Variants in KCNC3 observed in about 807,000 individuals in gnomAD.
The protein encoded by KCNC3 is potassium voltage-gated channel subfamily C member 3.
KCNC3 carries 22 observed loss-of-function variants against 43.9 expected under a neutral mutation model. The observed-to-expected ratio is 0.50, with a 90% CI of 0.36 to 0.72. KCNC3 has a LOEUF of 0.72. Among genes scored for constraint, KCNC3 ranks in the 30% least tolerant of loss-of-function variants. KCNC3 has a pLI of 0.00. For synonymous variants in KCNC3, 492 were observed against 488.0 expected, an observed-to-expected ratio of 1.01 and a Z score of -0.11; for missense variants, 829 against 1,073.8, an observed-to-expected ratio of 0.77 and a Z score of 3.19.
At chr19:50,319,831 A>G (rs1031474300) in intron 4 of KCNC3, among the ~76,000 whole-genome samples, 3 of 152,010 alleles carry the variant, frequency 2.0e-5, no homozygotes, top group African/African-American at 7.2e-5. Flanking sequence ...TCACAGGGGC[A>G]TGGACGGATG....
In KCNC3 at chr19:50,313,259, GT is replaced by G. The variant is rs1459191882; in HGVS notation, c.*2855del. 1 of 152,126 alleles carries G rather than the reference GT, an allele frequency of 6.6e-6. No individual in the cohort carries two copies. Among genetic ancestry groups the G allele is most frequent in the Non-Finnish European group, 1.5e-5 (1 of 68,026 alleles). 9.4% of individuals were successfully genotyped at this position (152,126 alleles called of 1,614,324 possible). ...ATCCCAGCCGAGCTGGGTGTTGTCG[GT>G]TCCCAATCTTCTGATACTCCAGTGT... On this transcript the variant is annotated 3_prime_UTR_variant, in exon 5 of 5. Transcript: ENST00000477616.
chr19:50,322,082 G>A (rs546777100), intron 2 of KCNC3, among the ~76,000 whole-genome samples: 13 of 152,066 alleles, frequency 8.5e-5, no homozygotes, highest in African/African-American at 2.7e-4. Flanking sequence ...CTGGGTCAGC[G>A]GCTGAGGGAG....
upstream of KCNC3, among the ~76,000 whole-genome samples, chr19:50,331,719 C>T (rs1222375731): frequency 6.6e-6 from 1 of 151,866 alleles, no homozygotes; most frequent in African/African-American, 2.4e-5. Context: ...TTCTCTCTCT[C>T]CCTCTAAGTT....
At position 50,312,437 on chromosome 19, in the gene KCNC3, T is replaced by A. The variant is rs903781588; in HGVS notation, c.*3678A>T. 9.2e-5 allele frequency: 14 copies of A among 152,018 alleles called. No individual in the cohort carries two copies. Among genetic ancestry groups the A allele is most frequent in the African/African-American group, 3.1e-4 (13 of 41,460 alleles). 9.4% of individuals were successfully genotyped at this position (152,018 alleles called of 1,614,324 possible). On this transcript the variant is annotated 3_prime_UTR_variant, in exon 5 of 5. Transcript: ENST00000477616. ...CCCGGAGCGCAGGAGGGGTGCGACA[T>A]GCGTGTGGGGGGCGCGTCATGCAGC...
At position 50,323,150 on chromosome 19, in the gene KCNC3, G is replaced by C. The variant is rs752977454; in HGVS notation, c.1803C>G (p.Thr601=). The part of the protein sequence containing the change: ...SGGISPPPPI[T]PPSMGVTVAG... ...CCACAGTCACCCCCATGGAGGGTGG[G>C]GTGATGGGTGGCGGCGGGCTGATGC... The change falls in exon 2 of 5, where the codon ACC becomes ACG. Residue 601 remains threonine (T), a synonymous_variant. Transcript: ENST00000477616. 3.3e-5 allele frequency: 51 copies of C among 1,534,104 alleles called. No individual in the cohort carries two copies. In the Middle Eastern group the frequency reaches 6.8e-4, roughly 21 times the overall value.
upstream of KCNC3, among the ~76,000 whole-genome samples, chr19:50,330,687 G>A (rs1280086558): frequency 6.6e-6 from 1 of 152,110 alleles, no homozygotes; most frequent in African/African-American, 2.4e-5. Flanking sequence ...AGGCCAAAGC[G>A]CCAGGAAGCA....
intron 4 of KCNC3, among the ~76,000 whole-genome samples, chr19:50,319,081 T>C (rs147323669): frequency 2.0e-5 from 3 of 151,818 alleles, no homozygotes; most frequent in Non-Finnish European, 2.9e-5. Context: ...GGAGTTGGCT[T>C]GGATTGTTAC....
At chr19:50,320,519 C>A in intron 3 of KCNC3, 74 bp downstream of exon 3, 3 of 1,427,838 alleles carry the variant, frequency 2.1e-6, no homozygotes, top group Non-Finnish European at 2.9e-6. Context: ...CCTCCCCCAT[C>A]CCCCTCTCCT....
rs370533679 is a variant in KCNC3 at position 50,323,729 on chromosome 19, G to A, written c.1224C>T (p.Asp408=). The A allele has an allele frequency of 3.7e-5, 60 of 1,614,114 alleles. No individual in the cohort carries two copies. The highest frequency in any genetic ancestry group is 6.7e-5 in the Admixed American group (4 of 60,016). ...LSGLSSKAAK[D]VLGFLRVVRF... ...GGACCACCCGCAGGAAGCCCAGCAC[G>A]TCTTTGGCGGCCTTGGAGCTGAGGC... The change falls in exon 2 of 5, where the codon GAC becomes GAT. Residue 408 remains aspartate, a synonymous_variant. Transcript: ENST00000477616.
Position 50,320,598 on chromosome 19 carries a change from C to G in KCNC3, c.2165G>C (p.Arg722Pro). The change falls in exon 3 of 5, where the codon CGA (arginine) becomes CCA (proline). Residue 722 changes from arginine (R) to proline (P), a missense_variant. Arg to Pro is a moderately radical substitution (Grantham distance 103). Coordinates refer to ENST00000477616, the MANE Select transcript of KCNC3 (RefSeq NM_004977.3). Reference protein sequence around the residue: ...DYAPSPDGSIRKATGAPPLPP... With the variant: ...DYAPSPDGSIPKATGAPPLPP... ...CAGTAGGGGGGGCACCTCACCTTTTCGGATGGAGCCATCAGGGGAAGGGGC... is the reference window on the plus strand; with the variant it reads ...CAGTAGGGGGGGCACCTCACCTTTTGGGATGGAGCCATCAGGGGAAGGGGC... 1.2e-6 allele frequency: 2 copies of G among 1,611,372 alleles called. No individual in the cohort carries two copies. The highest frequency in any genetic ancestry group is 1.7e-6 in the Non-Finnish European group (2 of 1,179,378).
At position 50,316,018 on chromosome 19, in the gene KCNC3, T is replaced by G; in HGVS notation, c.*97A>C. ...TCTTGGGGACACCCCCTCCCAGCCA[T>G]TCCCAATTGCTAACCTGGGGGGAAG... On this transcript the variant is annotated 3_prime_UTR_variant, in exon 5 of 5. Coordinates refer to ENST00000477616, the MANE Select transcript of KCNC3 (RefSeq NM_004977.3). The G allele has an allele frequency of 5.2e-6, 1 of 193,848 alleles. No homozygotes were observed. The highest frequency in any genetic ancestry group is 1.1e-5 in the Non-Finnish European group (1 of 88,296). 12.0% of individuals were successfully genotyped at this position (193,848 alleles called of 1,614,324 possible).
intron 2 of KCNC3, among the ~76,000 whole-genome samples, chr19:50,321,738 C>G (rs1416932399): frequency 6.6e-6 from 1 of 151,896 alleles, no homozygotes; most frequent in Non-Finnish European, 1.5e-5. Flanking sequence ...CCACTGCACT[C>G]CGGCCTGGGA....
chr19:50,322,144 G>A (rs1265314255), intron 2 of KCNC3, among the ~76,000 whole-genome samples: 1 of 151,990 alleles, frequency 6.6e-6, no homozygotes, highest in Non-Finnish European at 1.5e-5. Flanking sequence ...CTTAAGGCGG[G>A]GCAGTGCAGG....
At chr19:50,318,594 A>G (rs1196594016) in intron 4 of KCNC3, among the ~76,000 whole-genome samples, 2 of 151,724 alleles carry the variant, frequency 1.3e-5, no homozygotes, top group Non-Finnish European at 2.9e-5. Flanking sequence ...CAATTATTCC[A>G]CTCTGCTGTC....
In KCNC3 at chr19:50,320,306, TG is replaced by T; in HGVS notation, c.2213del (p.Pro738GlnfsTer34). 1.4e-6 allele frequency: 1 copy of T among 700,214 alleles called. No individual in the cohort carries two copies. The highest frequency in any genetic ancestry group is 2.0e-6 in the Non-Finnish European group (1 of 512,744). The allele number at this position is 700,214 out of a possible 1,614,324, so 43.4% of individuals were successfully genotyped here. The part of the protein sequence containing the change: ...PPLPPQDWRK[P>X]GPPSFLPDLN... Reference sequence around the variant, plus strand: ...GGTCGGGCAAGAAGCTTGGGGGGCCTGGCTTACGCCAGTCTTGGGGGGGCAG... The same window carrying T: ...GGTCGGGCAAGAAGCTTGGGGGGCCTGCTTACGCCAGTCTTGGGGGGGCAG... On this transcript the variant is annotated frameshift_variant, in exon 4 of 5. Coordinates refer to ENST00000477616, the MANE Select transcript of KCNC3 (RefSeq NM_004977.3). LOFTEE classifies it high-confidence loss of function.
rs2036913275 is a variant in KCNC3, at chr19:50,314,110, CT to C, written c.*2004del. ...AGCAAGAATAGAGGCGAGCAGGTCC[CT>C]GGGGGAAGGGGCGGATGAGAGGGTG... On this transcript the variant is annotated 3_prime_UTR_variant, in exon 5 of 5. Transcript: ENST00000477616. The C allele has an allele frequency of 6.6e-6, 1 of 152,358 alleles. No individual in the cohort carries two copies. Among genetic ancestry groups the C allele is most frequent in the South Asian group, 2.1e-4 (1 of 4,828 alleles). The allele number at this position is 152,358 out of a possible 1,614,324, so 9.4% of individuals were successfully genotyped here.
rs1186169565 is a variant in KCNC3 at position 50,315,355 on chromosome 19, A to C, written c.*760T>G. ...ACCGAGCCTCCCCCGCCCCATTCCCACCACAGTCCACCGCCCTTCCCCCCC... is the reference window on the plus strand; with the variant it reads ...ACCGAGCCTCCCCCGCCCCATTCCCCCCACAGTCCACCGCCCTTCCCCCCC... On this transcript the variant is annotated 3_prime_UTR_variant, in exon 5 of 5. Coordinates refer to ENST00000477616, the MANE Select transcript of KCNC3 (RefSeq NM_004977.3). Among the ~76,000 whole-genome samples, 5 of 151,286 alleles carry C rather than the reference A, an allele frequency of 3.3e-5. No homozygotes were observed. Among genetic ancestry groups the C allele is most frequent in the Non-Finnish European group, 5.9e-5 (4 of 67,802 alleles).
rs970287045 is a variant in KCNC3, at chr19:50,323,889, C to G, written c.1064G>C (p.Cys355Ser). Residue 355 changes from cysteine to serine, a missense_variant, in exon 2 of 5, where the codon TGC becomes TCC. Coordinates refer to ENST00000477616, the MANE Select transcript of KCNC3 (RefSeq NM_004977.3). ...EPFLTYVEGV[C>S]VVWFTFEFLM... ...GAACTCGAAGGTGAACCAGACCACG[C>G]ACACCCCCTCCACGTAGGTCAGGAA... is the stretch of plus-strand genomic sequence containing the variant. 6.2e-7 allele frequency: 1 copy of G among 1,614,090 alleles called. No homozygotes were observed. The highest frequency in any genetic ancestry group is 8.5e-7 in the Non-Finnish European group (1 of 1,180,046).
rs1291304870 is a variant in KCNC3 at position 50,329,093 on chromosome 19, G to T, written c.-11C>A. ...GACTGAGCTCAGCATTGGACGGGGG[G>T]CGGGGCGGGAGGGGCGGGGACGCAG... On this transcript the variant is annotated 5_prime_UTR_variant, in exon 1 of 5. Coordinates refer to ENST00000477616, the MANE Select transcript of KCNC3 (RefSeq NM_004977.3). 2.2e-6 allele frequency: 2 copies of T among 893,030 alleles called. No homozygotes were observed. The highest frequency in any genetic ancestry group is 1.5e-6 in the Non-Finnish European group (1 of 651,760). 55.3% of individuals were successfully genotyped at this position (893,030 alleles called of 1,614,324 possible).
Sources: gnomAD v4.1 joint callset for allele counts (sites outside exome capture counted in the v4.1 genomes callset) on GRCh38, gnomAD v4.1.1 for gene constraint, MANE v1.5 for transcripts, NCBI Gene and HGNC (gene_info 2026-07-23, HGNC 2026-07-21) for gene names.